Variants in SCN3A observed in about 807,000 individuals in gnomAD.
The protein encoded by SCN3A is sodium channel protein type 3 subunit alpha.
In SCN3A, 60 loss-of-function variants were observed where a neutral mutation model predicts 187.6. The observed-to-expected ratio is 0.32, with a 90% CI of 0.26 to 0.40. SCN3A has a LOEUF of 0.40. Ranked by LOEUF, SCN3A falls within the 10% of genes least tolerant of loss-of-function variation. The probability of loss-of-function intolerance (pLI) is 1.00; values close to 1 mark genes in which losing one functional copy is unlikely to be tolerated. For synonymous variants in SCN3A, 788 were observed against 829.2 expected (o/e 0.95, Z 0.85); for missense variants, 1,601 against 2,428.2 (o/e 0.66, Z 7.16).
At chr2:165,107,798 T>C (rs1685933689) in intron 21 of SCN3A, among the ~76,000 whole-genome samples, 1 of 152,194 alleles carries the variant, frequency 6.6e-6, no homozygotes, top group African/African-American at 2.4e-5. Context: ...ATAACATCTG[T>C]AGCAAAATAG....
chr2:165,127,301 A>G (rs1048977286), intron 18 of SCN3A, among the ~76,000 whole-genome samples: 1 of 151,734 alleles, frequency 6.6e-6, no homozygotes, highest in Non-Finnish European at 1.5e-5. Context: ...GGCTCAAGTG[A>G]TCTGCCTCCT....
At chr2:165,152,557 G>T (rs1239212241) in intron 11 of SCN3A, among the ~76,000 whole-genome samples, 3 of 152,188 alleles carry the variant, frequency 2.0e-5, no homozygotes, top group Admixed American at 6.5e-5. Context: ...CTTTATAGCA[G>T]CATGATTTAT....
chr2:165,177,466 T>C (rs185705416), intron 2 of SCN3A, among the ~76,000 whole-genome samples: 1 of 152,240 alleles, frequency 6.6e-6, no homozygotes, highest in Non-Finnish European at 1.5e-5. Flanking sequence ...AAGCACTATA[T>C]TATTGTAAAC....
At chr2:165,122,230 C>CTTT (rs776949572) in intron 18 of SCN3A, among the ~76,000 whole-genome samples, 18,270 of 110,856 alleles carry the variant, frequency 0.16, 1,417 homozygotes, top group East Asian at 0.26. Context: ...TTCTTTCTTT[C>CTTT]TTTTTTTTCT....
At chr2:165,093,036 G>T (rs6724167) in intron 26 of SCN3A, 1,890 of 153,606 alleles carry the variant, frequency 0.012, 41 homozygotes, top group African/African-American at 0.042. Flanking sequence ...GAGACAGAGT[G>T]AGACCCTGTC....
intron 15 of SCN3A, 81 bp from the exon 16 acceptor site, chr2:165,131,498 A>C: frequency 1.1e-6 from 1 of 922,142 alleles, no homozygotes. Context: ...GAACATTAAC[A>C]GGAATAAAAA....
At chr2:165,094,205 G>T in intron 26 of SCN3A, 169 bp downstream of exon 26, 1 of 669,506 alleles carries the variant, frequency 1.5e-6, no homozygotes, top group Non-Finnish European at 2.7e-6. Context: ...TTGGAATGTG[G>T]TAACTCCTAA....
intron 1 of SCN3A, chr2:165,195,510 C>T (rs1326897985): frequency 6.6e-6 from 1 of 152,064 alleles, no homozygotes; most frequent in Non-Finnish European, 1.5e-5. Context: ...TATTGAATGT[C>T]TTAAATATCT....
intron 19 of SCN3A, among the ~76,000 whole-genome samples, 169 bp from the exon 20 acceptor site, chr2:165,114,139 C>T (rs1461479863): frequency 6.6e-6 from 1 of 152,076 alleles, no homozygotes; most frequent in Admixed American, 6.6e-5. Flanking sequence ...GAATTATTCT[C>T]AGACTTATAT....
At chr2:165,132,645 G>C (rs1401221053) in intron 15 of SCN3A, among the ~76,000 whole-genome samples, 12 of 152,166 alleles carry the variant, frequency 7.9e-5, no homozygotes, top group Non-Finnish European at 1.6e-4. Flanking sequence ...ATGGATTAAA[G>C]ACTTAAAAGT....
intron 21 of SCN3A, among the ~76,000 whole-genome samples, chr2:165,102,107 G>A (rs1371477986): frequency 6.6e-6 from 1 of 152,208 alleles, no homozygotes; most frequent in Non-Finnish European, 1.5e-5. Context: ...GTTACTATCT[G>A]AAGATTTTTC....
chr2:165,156,494 CA>C (rs2105869577), intron 9 of SCN3A, among the ~76,000 whole-genome samples: 1 of 119,516 alleles, frequency 8.4e-6, no homozygotes, highest in African/African-American at 3.2e-5. Context: ...GCCTGGGTGA[CA>C]GAGCGAGACT....
chr2:165,107,568 G>T (rs753190775), intron 21 of SCN3A, among the ~76,000 whole-genome samples: 25 of 152,186 alleles, frequency 1.6e-4, no homozygotes, highest in Admixed American at 3.9e-4. Context: ...TTCAAGGCAG[G>T]TGTCTGCATA....
Position 165,090,822 on chromosome 2 carries a change from A to G in SCN3A, c.5331T>C (p.Ala1777=), listed in dbSNP as rs2105619624. 1 of 1,614,108 alleles carries G rather than the reference A, an allele frequency of 6.2e-7. No homozygotes were observed. Among genetic ancestry groups the G allele is most frequent in the East Asian group, 2.2e-5 (1 of 44,876 alleles). The change falls in exon 28 of 28, where the codon GCT becomes GCC. Residue 1777 remains alanine (A), a synonymous_variant. Coordinates refer to ENST00000283254, the MANE Select transcript of SCN3A (RefSeq NM_006922.4). This position sits in a 1 kb window ranked among gnomAD's most constrained non-coding sequence, Gnocchi z 4.0. ...TCAGGGGCTCTGCACTTTCTTCAGT[A>G]GCAACACTGAAGTTCTCCAGGATGA... ...IAVILENFSV[A]TEESAEPLSE...
intron 3 of SCN3A, among the ~76,000 whole-genome samples, chr2:165,174,382 G>A (rs1440897057): frequency 1.3e-5 from 2 of 152,158 alleles, no homozygotes; most frequent in Admixed American, 6.5e-5. Context: ...AAATGATGTG[G>A]AATGTTTAAT....
intron 15 of SCN3A, among the ~76,000 whole-genome samples, chr2:165,131,856 G>A (rs1687346882): frequency 6.7e-6 from 1 of 150,004 alleles, no homozygotes. Flanking sequence ...GTGGTGTTTG[G>A]TTTTTTGTCT....
intron 1 of SCN3A, among the ~76,000 whole-genome samples, chr2:165,189,349 G>A (rs1335731119): frequency 6.6e-6 from 1 of 152,150 alleles, no homozygotes; most frequent in African/African-American, 2.4e-5. Flanking sequence ...CATTTAGAAG[G>A]TGATGAGATA....
Position 165,096,667 on chromosome 2 carries a change from T to C in SCN3A, c.4240-147A>G, listed in dbSNP as rs958457193. On this transcript the variant is annotated intron_variant, in intron 23 of 27. Coordinates refer to ENST00000283254, the MANE Select transcript of SCN3A (RefSeq NM_006922.4). The stretch of plus-strand genomic sequence containing the variant: ...TCAAGAGATTGAAATAAAATTGAAA[T>C]AGAAAAACATTTGTATTTAAAGTCT... 7 of 598,598 alleles carry C rather than the reference T, an allele frequency of 1.2e-5. No homozygotes were observed. In the East Asian group the frequency reaches 1.7e-4, roughly 15 times the overall value. 37.1% of individuals were successfully genotyped at this position (598,598 alleles called of 1,614,324 possible).
At position 165,130,576 on chromosome 2, in the gene SCN3A, G is replaced by A. The variant is rs1014501923; in HGVS notation, c.2566-280C>T. ...CAAAGATATGCCCATGTAAACAAAT[G>A]GTATTTTGATTAGAGACTTTTTAAA... On this transcript the variant is annotated intron_variant, in intron 16 of 27. Coordinates refer to ENST00000283254, the MANE Select transcript of SCN3A (RefSeq NM_006922.4). 6.2e-5 allele frequency: 25 copies of A among 404,996 alleles called. No individual in the cohort carries two copies. The South Asian group carries it at 8.0e-4, about 13-fold the overall frequency. 25.1% of individuals were successfully genotyped at this position (404,996 alleles called of 1,614,324 possible). A position where few individuals can be genotyped will look rare whatever the true frequency, so the allele number is the denominator to read the frequency against.
Sources: gnomAD v4.1 joint callset for allele counts (sites outside exome capture counted in the v4.1 genomes callset) on GRCh38, gnomAD v4.1.1 for gene constraint, Gnocchi (gnomAD v3.1) non-coding constraint, MANE v1.5 for transcripts, NCBI Gene and HGNC (gene_info 2026-07-23, HGNC 2026-07-21) for gene names.